TSNARE1: variants seen among roughly 807,000 people sequenced by gnomAD.
TSNARE1 encodes t-SNARE domain containing 1, also known as t-SNARE domain-containing protein 1.
TSNARE1 carries 49 observed loss-of-function variants against 62.0 expected under a neutral mutation model. The ratio of observed to expected loss-of-function variants is 0.79; its 90% CI spans 0.63 to 1.00. TSNARE1 has a LOEUF of 1.00. TSNARE1 is among the 50% of genes least tolerant of loss of function. TSNARE1 has a pLI of 0.00. For missense variants in TSNARE1, 755 were observed against 700.1 expected (o/e 1.08, Z -0.88); for synonymous variants, 328 against 294.4 (o/e 1.11, Z -1.17).
chr8:142,346,407 G>A (rs1833373906), intron 2 of TSNARE1, among the ~76,000 whole-genome samples: 1 of 152,244 alleles, frequency 6.6e-6, no homozygotes, highest in Admixed American at 6.5e-5. Flanking sequence ...CCATCTCCCG[G>A]CTCCCAGCCC....
chr8:142,314,170 G>A (rs1026237277), intron 9 of TSNARE1, among the ~76,000 whole-genome samples: 12 of 152,342 alleles, frequency 7.9e-5, no homozygotes, highest in Admixed American at 2.0e-4. Context: ...ACATGGCACC[G>A]TCCGCAGTCA....
intron 2 of TSNARE1, among the ~76,000 whole-genome samples, chr8:142,347,037 C>A (rs1554669037): frequency 6.6e-6 from 1 of 152,240 alleles, no homozygotes; most frequent in Non-Finnish European, 1.5e-5. Flanking sequence ...TACGGCCACA[C>A]AGACTCAGGA....
At chr8:142,217,373 A>AGAG (rs1277110580) in intron 13 of TSNARE1, among the ~76,000 whole-genome samples, 30 of 137,830 alleles carry the variant, frequency 2.2e-4, no homozygotes, top group African/African-American at 8.9e-4. Flanking sequence ...GAAAGAAAGA[A>AGAG]AAAAGGGAAA....
intron 13 of TSNARE1, among the ~76,000 whole-genome samples, chr8:142,221,322 A>G (rs1471076281): frequency 6.6e-6 from 1 of 152,228 alleles, no homozygotes; most frequent in Non-Finnish European, 1.5e-5. Context: ...AAGTATGTGC[A>G]CACACACGCA....
chr8:142,383,018 A>G (rs1040601461), intron 1 of TSNARE1, among the ~76,000 whole-genome samples: 3 of 152,126 alleles, frequency 2.0e-5, no homozygotes, highest in African/African-American at 7.2e-5. Flanking sequence ...AGGGGCCTCA[A>G]GAGAAGGTGG....
chr8:142,308,901 T>A (rs1563880912), intron 9 of TSNARE1, among the ~76,000 whole-genome samples: 2 of 152,132 alleles, frequency 1.3e-5, no homozygotes, highest in Non-Finnish European at 2.9e-5. Flanking sequence ...ATGGTTTAGA[T>A]CATCCACTGG....
At chr8:142,334,997 C>T (rs1358417778) in intron 4 of TSNARE1, among the ~76,000 whole-genome samples, 1 of 152,190 alleles carries the variant, frequency 6.6e-6, no homozygotes, top group Non-Finnish European at 1.5e-5. Context: ...AATTAAAGAA[C>T]GCCAGAATGG....
At chr8:142,298,802 G>A (rs1825196507) in intron 10 of TSNARE1, among the ~76,000 whole-genome samples, 3 of 152,226 alleles carry the variant, frequency 2.0e-5, no homozygotes, top group South Asian at 2.1e-4. Flanking sequence ...CTCAATTCCA[G>A]CACAAAGGGG....
At chr8:142,321,137 G>T (rs777865937) in intron 6 of TSNARE1, among the ~76,000 whole-genome samples, 4 of 152,150 alleles carry the variant, frequency 2.6e-5, no homozygotes, top group Non-Finnish European at 5.9e-5. Context: ...GATGAAGGGA[G>T]TAGGGAATGA....
In TSNARE1 at chr8:142,400,462, C is replaced by T. The variant is rs189516662; in HGVS notation, c.-40+2642G>A. ...GCTTCTCAAAAAAAATTAAAAGGGCCGGGCACGGTGGCTCATGCCTGTAAT... is the reference window on the plus strand; with the variant it reads ...GCTTCTCAAAAAAAATTAAAAGGGCTGGGCACGGTGGCTCATGCCTGTAAT... On this transcript the variant is annotated intron_variant, in intron 1 of 13. Coordinates refer to ENST00000524325, the MANE Select transcript of TSNARE1 (RefSeq NM_145003.5). Among the ~76,000 whole-genome samples, 569 of 142,670 alleles carry T rather than the reference C, an allele frequency of 4.0e-3. 1 individual carries two copies. The highest frequency in any genetic ancestry group is 4.6e-3 in the Non-Finnish European group (302 of 64,952). The allele number at this position is 142,670 out of a possible 152,430, so 93.6% of individuals were successfully genotyped here. A position where few individuals can be genotyped will look rare whatever the true frequency, so the allele number is the denominator to read the frequency against.
intron 1 of TSNARE1, among the ~76,000 whole-genome samples, chr8:142,387,144 TA>T (rs1837166819): frequency 6.6e-6 from 1 of 152,184 alleles, no homozygotes; most frequent in African/African-American, 2.4e-5. Context: ...ACTGGAATAG[TA>T]ACAAAATCAG....
chr8:142,366,414 C>G (rs1379865411), intron 1 of TSNARE1, among the ~76,000 whole-genome samples: 1 of 152,104 alleles, frequency 6.6e-6, no homozygotes, highest in African/African-American at 2.4e-5. Context: ...TGCAAAAATA[C>G]TAAATAAAAC....
Position 142,291,538 on chromosome 8 carries a change from C to T in TSNARE1, c.1291-7053G>A, listed in dbSNP as rs1388197093. Reference sequence around the variant, plus strand: ...CGACCCAGCCCTCCTCCACCCACCCCACCCAGCACTGCCACCCACCCATTT... The same window carrying T: ...CGACCCAGCCCTCCTCCACCCACCCTACCCAGCACTGCCACCCACCCATTT... On this transcript the variant is annotated intron_variant, in intron 10 of 13. Transcript: ENST00000524325. This position sits in a 1 kb window ranked among gnomAD's most constrained non-coding sequence, Gnocchi z 4.8. Among the ~76,000 whole-genome samples, 2 of 152,130 alleles carry T rather than the reference C, an allele frequency of 1.3e-5. No homozygotes were observed. Among genetic ancestry groups the T allele is most frequent in the Non-Finnish European group, 2.9e-5 (2 of 68,014 alleles).
chr8:142,276,571 G>A (rs1820536915), intron 11 of TSNARE1: 12 of 985,422 alleles, frequency 1.2e-5, no homozygotes, highest in Non-Finnish European at 1.3e-5. Context: ...GGTGGTCTGG[G>A]CTAACACAGG....
intron 7 of TSNARE1, among the ~76,000 whole-genome samples, chr8:142,316,127 A>C (rs1313758679): frequency 6.8e-6 from 1 of 147,022 alleles, no homozygotes; most frequent in East Asian, 2.2e-4. Flanking sequence ...CCCAGCGTGT[A>C]TTCTTGGATG....
rs117215528 is a variant in TSNARE1, at chr8:142,267,443, C to T, written c.1446+7338G>A. ...ATGAGGCACCTGAAAACTGTCCTCA[C>T]TCACCTGGAATGCAGCACTGCGTAG... is the stretch of plus-strand genomic sequence containing the variant. On this transcript the variant is annotated intron_variant, in intron 12 of 13. Coordinates refer to ENST00000524325, the MANE Select transcript of TSNARE1 (RefSeq NM_145003.5). Among the ~76,000 whole-genome samples, 222 of 152,332 alleles carry T rather than the reference C, an allele frequency of 1.5e-3. 5 individuals are homozygous for T. The East Asian group carries it at 0.037, about 25-fold the overall frequency.
At chr8:142,338,698 T>C (rs1386233302) in intron 4 of TSNARE1, among the ~76,000 whole-genome samples, 2 of 152,224 alleles carry the variant, frequency 1.3e-5, no homozygotes, top group Non-Finnish European at 2.9e-5. Context: ...AGCTGAAGGA[T>C]GTGGCCCCGG....
chr8:142,283,115 TGTCA>T (rs1004166455), intron 11 of TSNARE1, among the ~76,000 whole-genome samples: 2 of 149,974 alleles, frequency 1.3e-5, no homozygotes, highest in African/African-American at 5.0e-5. Context: ...GGCCACTGTC[TGTCA>T]ATGAGCAGAG....
chr8:142,304,216 A>T (rs983228883), intron 9 of TSNARE1, among the ~76,000 whole-genome samples: 5 of 152,260 alleles, frequency 3.3e-5, no homozygotes, highest in African/African-American at 1.2e-4. Context: ...GGAGGAAGTG[A>T]GCAGTGCCTG....
Sources: allele counts gnomAD v4.1 joint callset (sites outside exome capture counted in the v4.1 genomes callset), GRCh38; gene constraint gnomAD v4.1.1; non-coding constraint Gnocchi (gnomAD v3.1); transcripts MANE v1.5; gene names NCBI Gene and HGNC (gene_info 2026-07-23, HGNC 2026-07-21).